RELCH: variants seen among roughly 807,000 people sequenced by gnomAD.
RELCH encodes the protein RAB11 binding and LisH domain, coiled-coil and HEAT repeat containing.
A neutral mutation model predicts 150.3 loss-of-function variants in RELCH; 41 were observed. The observed-to-expected ratio is 0.27, with a 90% confidence interval of 0.21 to 0.35. RELCH has a LOEUF of 0.35. RELCH is among the 10% of genes least tolerant of loss of function. The pLI, the probability that RELCH is intolerant of heterozygous loss-of-function variation, is 1.00. For synonymous variants in RELCH, 478 were observed against 531.8 expected, an observed-to-expected ratio of 0.90 and a Z score of 1.39; for missense variants, 1,092 against 1,467.8, an observed-to-expected ratio of 0.74 and a Z score of 4.18.
chr18:62,304,124 C>T (rs913148907), intron 28 of RELCH, among the ~76,000 whole-genome samples: 6 of 152,044 alleles, frequency 3.9e-5, no homozygotes, highest in Non-Finnish European at 8.8e-5. Flanking sequence ...AAAGTTAGGG[C>T]GTGAACAGAA....
chr18:62,297,887 A>G (rs2045487578), intron 27 of RELCH, among the ~76,000 whole-genome samples: 1 of 152,130 alleles, frequency 6.6e-6, no homozygotes, highest in Non-Finnish European at 1.5e-5. Flanking sequence ...TATCATCTCC[A>G]TGAAGCCTAC....
At position 62,298,088 on chromosome 18, in the gene RELCH, CTT is replaced by C. The variant is rs549510828; in HGVS notation, c.3460-700_3460-699del. 2.5e-4 allele frequency among the ~76,000 whole-genome samples: 36 copies of C among 146,780 alleles called. No individual in the cohort carries two copies. In the East Asian group the frequency reaches 7.0e-3, roughly 28 times the overall value. On this transcript the variant is annotated intron_variant, in intron 27 of 28. Coordinates refer to ENST00000644646, the MANE Select transcript of RELCH (RefSeq NM_001346231.2). ...TAGGGAATATTGTCTGTTTTATTTG[CTT>C]TATCCCCCCCCGTCTAAAAAGATAC...
intron 11 of RELCH, among the ~76,000 whole-genome samples, chr18:62,249,779 C>G (rs1010570633): frequency 6.6e-6 from 1 of 151,338 alleles, no homozygotes; most frequent in African/African-American, 2.4e-5. Context: ...AAGTGATCTA[C>G]TTTCACCTTA....
chr18:62,212,657 T>TA (rs2040240912), intron 2 of RELCH, among the ~76,000 whole-genome samples: 1 of 152,196 alleles, frequency 6.6e-6, no homozygotes, highest in Non-Finnish European at 1.5e-5. Context: ...ATAGAACTGT[T>TA]ATCTTGTTCC....
rs1600315627 is a variant in RELCH at position 62,305,290 on chromosome 18, T to C, written c.3531-124T>C. The C allele has an allele frequency of 1.3e-6, 1 of 753,380 alleles. No individual in the cohort carries two copies. The highest frequency in any genetic ancestry group is 3.0e-5 in the East Asian group (1 of 33,630). The allele number at this position is 753,380 out of a possible 1,614,324, so 46.7% of individuals were successfully genotyped here. A position where few individuals can be genotyped will look rare whatever the true frequency, so the allele number is the denominator to read the frequency against. ...TATGGCATATACAAACTACCCTCCATAAATATTAGTTTCCCTTTTGTGACG... is the reference window on the plus strand; with the variant it reads ...TATGGCATATACAAACTACCCTCCACAAATATTAGTTTCCCTTTTGTGACG... On this transcript the variant is annotated intron_variant, in intron 28 of 28. Coordinates refer to ENST00000644646, the MANE Select transcript of RELCH (RefSeq NM_001346231.2). This position sits in a 1 kb window ranked among gnomAD's most constrained non-coding sequence, Gnocchi z 4.0.
At chr18:62,245,996 C>A (rs2042391728) in intron 11 of RELCH, 2 of 152,260 alleles carry the variant, frequency 1.3e-5, no homozygotes, top group African/African-American at 2.4e-5. Flanking sequence ...ATTGTACATA[C>A]CTGGTGACCC....
intron 5 of RELCH, among the ~76,000 whole-genome samples, chr18:62,222,142 C>G (rs1455072308): frequency 6.6e-6 from 1 of 151,950 alleles, no homozygotes; most frequent in East Asian, 1.9e-4. Context: ...ATCTGAAGGC[C>G]ATCATTTTAA....
At chr18:62,228,178 T>C in intron 7 of RELCH, 127 bp from the exon 8 acceptor site, 1 of 716,872 alleles carries the variant, frequency 1.4e-6, no homozygotes. Context: ...GATTTATTAC[T>C]TGCCAATCAT....
At chr18:62,196,020 C>T (rs1351707545) in intron 1 of RELCH, among the ~76,000 whole-genome samples, 1 of 151,766 alleles carries the variant, frequency 6.6e-6, no homozygotes, top group Non-Finnish European at 1.5e-5. Flanking sequence ...CATGATCCAA[C>T]GTATCGTTTC....
At chr18:62,212,250 A>T (rs2040219313) in intron 2 of RELCH, among the ~76,000 whole-genome samples, 1 of 152,178 alleles carries the variant, frequency 6.6e-6, no homozygotes, top group African/African-American at 2.4e-5. Context: ...CTGGTGCCTC[A>T]AGTCTGTGTC....
chr18:62,187,539 G>A lies in RELCH; in HGVS notation c.34G>A (p.Gly12Ser), dbSNP rs746078695. ...AAMAPGGSGS[G>S]GGVNPFLSDS... ...GATGGCGCCTGGAGGTAGTGGCAGT[G>A]GTGGCGGCGTGAATCCATTTCTCAG... Residue 12 changes from glycine (G) to serine (S), a missense_variant, in exon 1 of 29, where the codon GGT becomes AGT. Physicochemically the swap from Gly to Ser is moderately conservative, Grantham distance 56. Around this residue, in one of 4 missense-constraint regions of RELCH, gnomAD observed 138 missense variants for 124.8 expected, o/e 1.11. Transcript: ENST00000644646. 4 of 1,515,178 alleles carry A rather than the reference G, an allele frequency of 2.6e-6. No individual in the cohort carries two copies. The highest frequency in any genetic ancestry group is 3.5e-6 in the Non-Finnish European group (4 of 1,131,502). The allele number at this position is 1,515,178 out of a possible 1,614,324, so 93.9% of individuals were successfully genotyped here. A position where few individuals can be genotyped will look rare whatever the true frequency, so the allele number is the denominator to read the frequency against.
intron 2 of RELCH, among the ~76,000 whole-genome samples, chr18:62,219,850 T>G (rs1361271436): frequency 1.3e-5 from 2 of 152,118 alleles, no homozygotes; most frequent in African/African-American, 4.8e-5. Context: ...TTTTTCCATA[T>G]ATTTTTATAG....
At chr18:62,191,563 C>T (rs1305566247) in intron 1 of RELCH, among the ~76,000 whole-genome samples, 1 of 152,090 alleles carries the variant, frequency 6.6e-6, no homozygotes, top group Non-Finnish European at 1.5e-5. Flanking sequence ...GCTATTTTTC[C>T]TGATACTCTC....
chr18:62,249,133 T>G (rs1170861639), intron 11 of RELCH, among the ~76,000 whole-genome samples: 1 of 152,210 alleles, frequency 6.6e-6, no homozygotes, highest in Non-Finnish European at 1.5e-5. Flanking sequence ...TTTTGTAGCT[T>G]TATGTAATTT....
intron 1 of RELCH, among the ~76,000 whole-genome samples, chr18:62,191,996 AT>A (rs2038679638): frequency 6.6e-6 from 1 of 152,156 alleles, no homozygotes; most frequent in African/African-American, 2.4e-5. Flanking sequence ...GGTTTAACTA[AT>A]TTACAGTCCC....
chr18:62,248,405 T>G (rs1309302659), intron 11 of RELCH, among the ~76,000 whole-genome samples: 1 of 152,208 alleles, frequency 6.6e-6, no homozygotes, highest in East Asian at 1.9e-4. Context: ...TCTTTGAAGT[T>G]TGAAGTTATG....
chr18:62,255,259 C>T (rs1361118072), intron 12 of RELCH, 148 bp from the exon 13 acceptor site: 2 of 654,536 alleles, frequency 3.1e-6, no homozygotes, highest in East Asian at 5.6e-5. Context: ...ATTCCCGATC[C>T]AGGTATAGTC....
chr18:62,272,801 TC>T (rs756481437), intron 20 of RELCH, among the ~76,000 whole-genome samples: 6,513 of 152,194 alleles, frequency 0.043, 163 homozygotes, highest in South Asian at 0.072. Flanking sequence ...AGCTCTTATT[TC>T]ACATTTAGGT....
intron 5 of RELCH, among the ~76,000 whole-genome samples, chr18:62,225,111 G>T (rs567008180): frequency 5.1e-4 from 77 of 151,974 alleles, no homozygotes; most frequent in African/African-American, 1.9e-3. Context: ...ATGCAGAAAG[G>T]GTAGTCTTTT....
Sources: gnomAD v4.1 joint callset for allele counts (sites outside exome capture counted in the v4.1 genomes callset) on GRCh38, gnomAD v4.1.1 for gene constraint, gnomAD v4.1.1 regional missense constraint, Gnocchi (gnomAD v3.1) non-coding constraint, MANE v1.5 for transcripts, NCBI Gene and HGNC (gene_info 2026-07-23, HGNC 2026-07-21) for gene names.